Variants in ERC2 observed in about 807,000 individuals in gnomAD.
ERC2 encodes ELKS/RAB6-interacting/CAST family member 2, also known as ERC protein 2.
In ERC2, 42 loss-of-function variants were observed where a neutral mutation model predicts 114.8. The ratio of observed to expected loss-of-function variants is 0.37; its 90% CI spans 0.29 to 0.47. ERC2 has a LOEUF of 0.47. Among genes scored for constraint, ERC2 ranks in the 20% least tolerant of loss-of-function variants. The pLI, the probability that ERC2 is intolerant of heterozygous loss-of-function variation, is 0.99. For missense variants in ERC2, 939 were observed against 1,150.7 expected (o/e 0.82, Z 2.66); for synonymous variants, 454 against 425.5 (o/e 1.07, Z -0.82).
rs1215601961 is a variant in ERC2, at chr3:56,133,211, G to T, written c.1473+6298C>A. ...CCAGCATTTTGGGAAGCTGAGGCGG[G>T]CAAATTGCTTCAGCCCAGGAGTTCG... On this transcript the variant is annotated intron_variant, in intron 6 of 17. Transcript: ENST00000288221. 2.0e-5 allele frequency among the ~76,000 whole-genome samples: 3 copies of T among 152,182 alleles called. No homozygotes were observed. The East Asian group carries it at 5.8e-4, about 29-fold the overall frequency.
At chr3:56,403,551 A>G (rs2060599205) in intron 2 of ERC2, among the ~76,000 whole-genome samples, 1 of 152,232 alleles carries the variant, frequency 6.6e-6, no homozygotes, top group Non-Finnish European at 1.5e-5. Context: ...TGGTCCACGG[A>G]CCGGCAGTAT....
chr3:56,142,805 A>AT (rs1183551794), intron 5 of ERC2, among the ~76,000 whole-genome samples: 1 of 143,038 alleles, frequency 7.0e-6, no homozygotes, highest in Non-Finnish European at 1.5e-5. Flanking sequence ...AGATTTTGTG[A>AT]TTTTTCTCCT....
chr3:55,755,581 T>C (rs947661849), intron 14 of ERC2, among the ~76,000 whole-genome samples: 4 of 152,172 alleles, frequency 2.6e-5, no homozygotes, highest in Non-Finnish European at 5.9e-5. Context: ...CCAAACATTT[T>C]CCCCTGTCAC....
At chr3:55,830,806 T>A (rs2060535132) in intron 14 of ERC2, among the ~76,000 whole-genome samples, 1 of 151,960 alleles carries the variant, frequency 6.6e-6, no homozygotes, top group Non-Finnish European at 1.5e-5. Context: ...TAACCAGGTA[T>A]GATGCTATGT....
chr3:56,369,586 T>C (rs142188228), intron 2 of ERC2, among the ~76,000 whole-genome samples: 204 of 152,370 alleles, frequency 1.3e-3, no homozygotes, highest in Non-Finnish European at 2.6e-3. Flanking sequence ...TTCGAAGATG[T>C]AACCCAGCTA....
intron 10 of ERC2, among the ~76,000 whole-genome samples, chr3:56,005,506 G>T (rs1203520961): frequency 6.6e-6 from 1 of 152,054 alleles, no homozygotes; most frequent in African/African-American, 2.4e-5. Context: ...GCAACAATAT[G>T]TGAATCTCTT....
At chr3:56,458,426 T>C (rs745820795) in intron 1 of ERC2, among the ~76,000 whole-genome samples, 1 of 152,214 alleles carries the variant, frequency 6.6e-6, no homozygotes, top group Non-Finnish European at 1.5e-5. Flanking sequence ...TAAGCAACTA[T>C]TCATGTTGTG....
At chr3:56,118,112 C>T (rs1247119336) in intron 6 of ERC2, among the ~76,000 whole-genome samples, 1 of 152,154 alleles carries the variant, frequency 6.6e-6, no homozygotes, top group Non-Finnish European at 1.5e-5. Flanking sequence ...GAGTTACAAT[C>T]CTGGTCTGCC....
chr3:56,296,950 AG>A (rs1183646743), intron 2 of ERC2, among the ~76,000 whole-genome samples: 1 of 152,230 alleles, frequency 6.6e-6, no homozygotes, highest in Non-Finnish European at 1.5e-5. Context: ...AGCTGTGAAC[AG>A]GTTTAGTAAA....
At chr3:56,243,461 A>T (rs1219868470) in intron 3 of ERC2, among the ~76,000 whole-genome samples, 1 of 152,210 alleles carries the variant, frequency 6.6e-6, no homozygotes, top group Non-Finnish European at 1.5e-5. Context: ...GTCCTGGGGC[A>T]ATAGAAGGAT....
chr3:55,975,845 A>G (rs1400975280), intron 12 of ERC2, among the ~76,000 whole-genome samples: 1 of 152,122 alleles, frequency 6.6e-6, no homozygotes, highest in African/African-American at 2.4e-5. Context: ...CTCTCTTGCC[A>G]TTGCTTAGGC....
At chr3:56,376,948 CA>C (rs1323437546) in intron 2 of ERC2, among the ~76,000 whole-genome samples, 1 of 152,040 alleles carries the variant, frequency 6.6e-6, no homozygotes, top group Admixed American at 6.6e-5. Context: ...CTGACTTAGC[CA>C]GATTCGGTTT....
intron 17 of ERC2, among the ~76,000 whole-genome samples, chr3:55,553,311 C>T (rs973289445): frequency 1.6e-4 from 25 of 151,850 alleles, no homozygotes; most frequent in Non-Finnish European, 3.2e-4. Context: ...TCAGCCACCA[C>T]GTCAGGTCCA....
intron 2 of ERC2, among the ~76,000 whole-genome samples, chr3:56,349,315 A>C (rs1426125686): frequency 6.6e-6 from 1 of 152,328 alleles, no homozygotes; most frequent in Non-Finnish European, 1.5e-5. Flanking sequence ...AGAAGGCATC[A>C]TTTGAATAAG....
chr3:55,529,213 C>T (rs988492149), intron 17 of ERC2, among the ~76,000 whole-genome samples: 3 of 152,188 alleles, frequency 2.0e-5, no homozygotes, highest in African/African-American at 7.2e-5. Flanking sequence ...TCTTAACCAT[C>T]ATAAACATTT....
At chr3:56,308,261 C>T (rs551134756) in intron 2 of ERC2, among the ~76,000 whole-genome samples, 57 of 152,058 alleles carry the variant, frequency 3.7e-4, no homozygotes, top group Admixed American at 4.6e-4. Flanking sequence ...GCCAATTCTA[C>T]AGTCTCCCCT....
chr3:55,570,359 C>G (rs1204210858), intron 17 of ERC2, among the ~76,000 whole-genome samples: 1 of 152,130 alleles, frequency 6.6e-6, no homozygotes. Context: ...AGCATGGTCA[C>G]GGTAGGAAGT....
rs577354274 is a variant in ERC2 at position 55,557,663 on chromosome 3, G to T, written c.*40-46387C>A. ...TGCCACATGGGCAAAAATCCATTTG[G>T]GAAAAGACTGGGAGGAGCACTCCAG... On this transcript the variant is annotated intron_variant, in intron 17 of 17. Transcript: ENST00000288221. Among the ~76,000 whole-genome samples, 4 of 152,336 alleles carry T rather than the reference G, an allele frequency of 2.6e-5. No individual in the cohort carries two copies. In the South Asian group the frequency reaches 8.3e-4, roughly 32 times the overall value.
In ERC2 at chr3:56,271,019, C is replaced by G. The variant is rs560349004; in HGVS notation, c.1074+25000G>C. On this transcript the variant is annotated intron_variant, in intron 3 of 17. Transcript: ENST00000288221. Reference sequence around the variant, plus strand: ...AAAACAAACAAACAAAAAAAACCAGCCTTGTACTTTCTTCACACATTTTCT... The same window carrying G: ...AAAACAAACAAACAAAAAAAACCAGGCTTGTACTTTCTTCACACATTTTCT... Among the ~76,000 whole-genome samples, 3 of 152,260 alleles carry G rather than the reference C, an allele frequency of 2.0e-5. No homozygotes were observed. In the East Asian group the frequency reaches 5.8e-4, roughly 29 times the overall value.
Sources: allele counts gnomAD v4.1 joint callset (sites outside exome capture counted in the v4.1 genomes callset), GRCh38; gene constraint gnomAD v4.1.1; transcripts MANE v1.5; gene names NCBI Gene and HGNC (gene_info 2026-07-23, HGNC 2026-07-21).